Variants in CHL1 observed in about 807,000 individuals in gnomAD.
CHL1 encodes cell adhesion molecule L1 like, also known as neural cell adhesion molecule L1-like protein.
A neutral mutation model predicts 141.9 loss-of-function variants in CHL1; 96 were observed. The ratio of observed to expected loss-of-function variants is 0.68; its 90% CI spans 0.57 to 0.80. The LOEUF is 0.80. Among genes scored for constraint, CHL1 ranks in the 30% least tolerant of loss-of-function variants. The pLI is 0.00. For missense variants in CHL1, 1,820 were observed against 1,457.2 expected (o/e 1.25, Z -4.05); for synonymous variants, 613 against 502.2 (o/e 1.22, Z -2.95).
intron 2 of CHL1, among the ~76,000 whole-genome samples, chr3:306,593 G>GT (rs1488106612): frequency 6.6e-6 from 1 of 152,016 alleles, no homozygotes. Flanking sequence ...TAAGACTAAA[G>GT]TTTTTTGTAT....
Position 236,997 on chromosome 3 carries a change from G to A in CHL1, c.-174-7616G>A, listed in dbSNP as rs115778638. ...CACGTCATTAATAGGGAGTGTTACT[G>A]ACATAGCAAGGAATCAAACTCGTTA... On this transcript the variant is annotated intron_variant, in intron 1 of 27. Coordinates refer to ENST00000256509, the MANE Select transcript of CHL1 (RefSeq NM_006614.4). Among the ~76,000 whole-genome samples the A allele has an allele frequency of 1.7e-3, 265 of 152,248 alleles. 1 individual carries two copies. Among genetic ancestry groups the A allele is most frequent in the African/African-American group, 6.0e-3 (249 of 41,558 alleles).
intron 1 of CHL1, among the ~76,000 whole-genome samples, chr3:224,168 T>C (rs1701117247): frequency 6.6e-6 from 1 of 152,090 alleles, no homozygotes; most frequent in African/African-American, 2.4e-5. Context: ...ACAAAGGTGG[T>C]TTTGGTCCCT....
intron 11 of CHL1, among the ~76,000 whole-genome samples, chr3:356,354 G>A (rs1309502965): frequency 6.6e-6 from 1 of 152,132 alleles, no homozygotes; most frequent in Non-Finnish European, 1.5e-5. Context: ...ATCCTCAAAA[G>A]AACTTTATAA....
In CHL1 at chr3:391,396, G is replaced by T. The variant is rs552651388; in HGVS notation, c.2791+237G>T. Among the ~76,000 whole-genome samples, 15 of 152,218 alleles carry T rather than the reference G, an allele frequency of 9.9e-5. No homozygotes were observed. The East Asian group carries it at 2.9e-3, about 29-fold the overall frequency. ...CCAGATGTAGTAGTGCATGCCTGTA[G>T]TCCCAGCTACTCGGGAGGCTGAGGC... On this transcript the variant is annotated intron_variant, in intron 22 of 27. Transcript: ENST00000256509.
intron 15 of CHL1, among the ~76,000 whole-genome samples, chr3:374,758 C>T (rs3773384): frequency 0.43 from 65,469 of 152,022 alleles, 14,829 homozygotes; most frequent in African/African-American, 0.59. Flanking sequence ...AGGGCATGCA[C>T]GGTGATATAG....
chr3:299,132 C>A (rs1698478712), intron 2 of CHL1, among the ~76,000 whole-genome samples: 1 of 152,076 alleles, frequency 6.6e-6, no homozygotes, highest in African/African-American at 2.4e-5. Flanking sequence ...TTCCTGGTTT[C>A]CGTGAGTTTT....
At chr3:376,014 C>T (rs1423658343) in intron 15 of CHL1, among the ~76,000 whole-genome samples, 1 of 152,120 alleles carries the variant, frequency 6.6e-6, no homozygotes, top group South Asian at 2.1e-4. Flanking sequence ...ATAGATTTCT[C>T]AGGCAAGGTA....
Position 382,486 on chromosome 3 carries a change from A to T in CHL1, c.1991A>T (p.Glu664Val). 6.2e-7 allele frequency: 1 copy of T among 1,613,564 alleles called. No homozygotes were observed. The highest frequency in any genetic ancestry group is 1.1e-5 in the South Asian group (1 of 91,076). ...HNSNISEYIVEFEGNKEEPGR... is the reference protein window; with the variant it reads ...HNSNISEYIVVFEGNKEEPGR... ...TTTATACTACCAGAGTATATTGTTGAATTTGAAGGAAACAAAGAAGAGCCT... is the reference window on the plus strand; with the variant it reads ...TTTATACTACCAGAGTATATTGTTGTATTTGAAGGAAACAAAGAAGAGCCT... The change falls in exon 18 of 28, where the codon GAA becomes GTA. Residue 664 changes from glutamate (E) to valine (V), a missense_variant. Glu to Val is a moderately radical substitution (Grantham distance 121). Transcript: ENST00000256509.
At chr3:391,181 G>C in intron 22 of CHL1, 22 bp downstream of exon 22, 4 of 1,564,996 alleles carry the variant, frequency 2.6e-6, no homozygotes, top group Non-Finnish European at 3.5e-6. Context: ...ATGATGTAGA[G>C]TCATGTCAAA....
At chr3:320,571 C>A (rs1353495864) in intron 3 of CHL1, among the ~76,000 whole-genome samples, 1 of 151,928 alleles carries the variant, frequency 6.6e-6, no homozygotes, top group African/African-American at 2.4e-5. Context: ...ACTGTAGTCC[C>A]ACCTATTTAG....
At chr3:368,870 G>A (rs1191707629) in intron 15 of CHL1, among the ~76,000 whole-genome samples, 5 of 151,926 alleles carry the variant, frequency 3.3e-5, no homozygotes, top group Admixed American at 2.0e-4. Flanking sequence ...CCAGCGCTTC[G>A]ATTTGTCAGT....
intron 24 of CHL1, 103 bp from the exon 25 acceptor site, chr3:398,124 A>G (rs1277951838): frequency 1.3e-5 from 8 of 609,944 alleles, no homozygotes; most frequent in Non-Finnish European, 2.0e-5. Flanking sequence ...CTGAGAAAAT[A>G]TGGTATAAGT....
intron 10 of CHL1, among the ~76,000 whole-genome samples, chr3:351,430 T>C (rs1298390012): frequency 6.6e-6 from 1 of 152,200 alleles, no homozygotes; most frequent in Non-Finnish European, 1.5e-5. Flanking sequence ...AAAAACAAAT[T>C]GAGCTTAAGA....
intron 4 of CHL1, 101 bp downstream of exon 4, chr3:326,165 C>A: frequency 3.0e-6 from 2 of 672,582 alleles, no homozygotes; most frequent in Non-Finnish European, 4.9e-6. Flanking sequence ...TGAATCCACG[C>A]ATGATTAAAG....
chr3:372,104 G>T (rs959531256), intron 15 of CHL1, among the ~76,000 whole-genome samples: 6 of 152,068 alleles, frequency 3.9e-5, no homozygotes, highest in African/African-American at 9.7e-5. Flanking sequence ...TCTTCTCATG[G>T]AGTATCTTAG....
At chr3:372,547 T>G (rs1286367339) in intron 15 of CHL1, among the ~76,000 whole-genome samples, 1 of 152,176 alleles carries the variant, frequency 6.6e-6, no homozygotes, top group African/African-American at 2.4e-5. Flanking sequence ...TGCATTGGGT[T>G]AGAACATTCT....
At chr3:269,621 G>A (rs1695462472) in intron 2 of CHL1, among the ~76,000 whole-genome samples, 1 of 152,206 alleles carries the variant, frequency 6.6e-6, no homozygotes, top group Non-Finnish European at 1.5e-5. Flanking sequence ...TGCCTCCTGG[G>A]TTCAAGCGAT....
At chr3:335,697 A>G (rs1159469489) in intron 5 of CHL1, among the ~76,000 whole-genome samples, 2 of 152,182 alleles carry the variant, frequency 1.3e-5, no homozygotes, top group Admixed American at 1.3e-4. Context: ...TTCAATAAAC[A>G]CATCATATGT....
At chr3:345,313 G>C (rs547009901) in intron 9 of CHL1, among the ~76,000 whole-genome samples, 14 of 139,840 alleles carry the variant, frequency 1.0e-4, no homozygotes, top group African/African-American at 3.6e-4. Context: ...AGGTTCCAAG[G>C]AGCCCTATTT....
Sources: allele counts gnomAD v4.1 joint callset (sites outside exome capture counted in the v4.1 genomes callset), GRCh38; gene constraint gnomAD v4.1.1; transcripts MANE v1.5; gene names NCBI Gene and HGNC (gene_info 2026-07-23, HGNC 2026-07-21).